EEFSEC: variants seen among roughly 807,000 people sequenced by gnomAD.
The protein encoded by EEFSEC is selenocysteine-specific elongation factor.
EEFSEC carries 43 observed loss-of-function variants against 42.1 expected under a neutral mutation model. That is an observed-to-expected ratio of 1.02 (90% CI 0.80 to 1.32). EEFSEC has a LOEUF of 1.32. Ranked by LOEUF, EEFSEC falls within the 40% of genes most tolerant of loss-of-function variation. The pLI is 0.00. For missense variants in EEFSEC, 745 were observed against 803.6 expected (o/e 0.93, Z 0.88); for synonymous variants, 354 against 339.1 (o/e 1.04, Z -0.48).
intron 6 of EEFSEC, among the ~76,000 whole-genome samples, chr3:128,368,505 T>C (rs988437947): frequency 6.6e-6 from 1 of 151,942 alleles, no homozygotes; most frequent in Non-Finnish European, 1.5e-5. Flanking sequence ...TGAAGTTTTC[T>C]GTGTTTTAAG....
intron 1 of EEFSEC, among the ~76,000 whole-genome samples, chr3:128,230,437 G>C (rs2065948865): frequency 6.6e-6 from 1 of 152,218 alleles, no homozygotes; most frequent in South Asian, 2.1e-4. Flanking sequence ...TTACAGGTGT[G>C]AGCCACTGTA....
At chr3:128,425,218 C>T in the EEFSEC span, among the ~76,000 whole-genome samples, 1 of 152,256 alleles carries the variant, frequency 6.6e-6, no homozygotes, top group Non-Finnish European at 1.5e-5. Context: ...TCACTCATCT[C>T]TTTTCCATCA....
intron 4 of EEFSEC, among the ~76,000 whole-genome samples, chr3:128,326,164 C>T (rs1049415906): frequency 4.6e-5 from 7 of 152,214 alleles, no homozygotes; most frequent in African/African-American, 9.6e-5. Context: ...TGCTTGCCCC[C>T]AGGCACCTCA....
At chr3:128,268,995 A>G (rs528703725) in intron 4 of EEFSEC, among the ~76,000 whole-genome samples, 2 of 152,330 alleles carry the variant, frequency 1.3e-5, no homozygotes, top group South Asian at 4.1e-4. Flanking sequence ...CAGGTCCCTT[A>G]ACTCTGAGCT....
At chr3:128,393,875 C>A (rs1261754623) in intron 6 of EEFSEC, among the ~76,000 whole-genome samples, 4 of 152,236 alleles carry the variant, frequency 2.6e-5, no homozygotes, top group Non-Finnish European at 5.9e-5. Flanking sequence ...TTGTGCCTGG[C>A]CCTGTCCTGG....
chr3:128,209,717 C>G (rs2065736532), intron 1 of EEFSEC, among the ~76,000 whole-genome samples: 1 of 152,200 alleles, frequency 6.6e-6, no homozygotes, highest in South Asian at 2.1e-4. Flanking sequence ...TACACGCACA[C>G]ATGCTGAAAA....
At chr3:128,354,025 C>A (rs78578538) in intron 5 of EEFSEC, among the ~76,000 whole-genome samples, 2,287 of 152,240 alleles carry the variant, frequency 0.015, 61 homozygotes, top group African/African-American at 0.051. Flanking sequence ...TCCCCTGGGG[C>A]AGCCATGCCC....
intron 1 of EEFSEC, among the ~76,000 whole-genome samples, chr3:128,178,723 T>C (rs2065375980): frequency 6.6e-6 from 1 of 152,224 alleles, no homozygotes; most frequent in African/African-American, 2.4e-5. Context: ...ATTGACTTCT[T>C]TTTCTGTACG....
At chr3:128,230,784 C>T (rs960059373) in intron 1 of EEFSEC, among the ~76,000 whole-genome samples, 2 of 152,140 alleles carry the variant, frequency 1.3e-5, no homozygotes, top group Non-Finnish European at 2.9e-5. Flanking sequence ...AATGTTCCCT[C>T]AAAGTCTGTC....
chr3:128,382,067 C>T (rs1160926267), intron 6 of EEFSEC, among the ~76,000 whole-genome samples: 1 of 152,158 alleles, frequency 6.6e-6, no homozygotes, highest in Non-Finnish European at 1.5e-5. Context: ...CAGGCAAGGC[C>T]CTCTCCTCTC....
chr3:128,379,492 A>G (rs749251394), intron 6 of EEFSEC, among the ~76,000 whole-genome samples: 5 of 152,250 alleles, frequency 3.3e-5, no homozygotes, highest in Admixed American at 1.3e-4. Flanking sequence ...ACAAAGATGG[A>G]TGGAGTAACA....
At chr3:128,248,468 CTT>C (rs2066150663) in intron 2 of EEFSEC, among the ~76,000 whole-genome samples, 2 of 152,310 alleles carry the variant, frequency 1.3e-5, no homozygotes, top group South Asian at 4.1e-4. Context: ...CTAGCGCTGC[CTT>C]TTGTTAGCAA....
chr3:128,389,059 G>C (rs1350560846), intron 6 of EEFSEC, among the ~76,000 whole-genome samples: 1 of 152,226 alleles, frequency 6.6e-6, no homozygotes, highest in Non-Finnish European at 1.5e-5. Context: ...GGAGTTCCAG[G>C]CAAGGGAGCC....
chr3:128,316,470 G>C (rs2066946298), intron 4 of EEFSEC, among the ~76,000 whole-genome samples: 1 of 152,220 alleles, frequency 6.6e-6, no homozygotes, highest in Non-Finnish European at 1.5e-5. Context: ...GTCCACAGAA[G>C]AGCGCTCCTG....
intron 6 of EEFSEC, among the ~76,000 whole-genome samples, chr3:128,364,550 G>A (rs1280215258): frequency 1.3e-5 from 2 of 152,228 alleles, no homozygotes; most frequent in African/African-American, 4.8e-5. Flanking sequence ...ATGGGATGGG[G>A]AGTCGGGAAC....
chr3:128,372,152 A>G (rs974207999), intron 6 of EEFSEC, among the ~76,000 whole-genome samples: 1 of 152,232 alleles, frequency 6.6e-6, no homozygotes, highest in African/African-American at 2.4e-5. Context: ...GAACTGATAA[A>G]ACAATTAACA....
At chr3:128,291,538 TTG>T (rs1282562226) in intron 4 of EEFSEC, among the ~76,000 whole-genome samples, 6 of 152,170 alleles carry the variant, frequency 3.9e-5, no homozygotes, top group African/African-American at 1.4e-4. Context: ...GCCTCCAGAG[TTG>T]TGAGGCAATA....
intron 6 of EEFSEC, among the ~76,000 whole-genome samples, chr3:128,407,539 G>C (rs541489663): frequency 1.3e-5 from 2 of 152,270 alleles, no homozygotes; most frequent in South Asian, 4.1e-4. Flanking sequence ...AGGGCAGGTG[G>C]GGGTGAAGGC....
chr3:128,294,409 A>AT (rs1268141157), intron 4 of EEFSEC, among the ~76,000 whole-genome samples: 18 of 152,354 alleles, frequency 1.2e-4, no homozygotes, highest in Middle Eastern at 3.4e-3. Flanking sequence ...AAGTTCTATC[A>AT]TATCTGAGTG....
Sources: gnomAD v4.1 joint callset for allele counts (sites outside exome capture counted in the v4.1 genomes callset) on GRCh38, gnomAD v4.1.1 for gene constraint, MANE v1.5 for transcripts, NCBI Gene and HGNC (gene_info 2026-07-23, HGNC 2026-07-21) for gene names.